Variants in MAF observed in about 807,000 individuals in gnomAD.
MAF encodes MAF bZIP transcription factor.
MAF carries 10 observed loss-of-function variants against 22.0 expected under a neutral mutation model. The observed-to-expected ratio is 0.45, with a 90% CI of 0.28 to 0.77. The LOEUF (loss-of-function observed/expected upper bound fraction) is 0.77. Ranked by LOEUF, MAF falls within the 30% of genes least tolerant of loss-of-function variation. The pLI, the probability that MAF is intolerant of heterozygous loss-of-function variation, is 0.12. For synonymous variants in MAF, 337 were observed against 255.8 expected (o/e 1.32, Z -3.03); for missense variants, 544 against 548.4 (o/e 0.99, Z 0.08).
At chr16:79,395,351 A>C in the MAF span, among the ~76,000 whole-genome samples, 1 of 152,170 alleles carries the variant, frequency 6.6e-6, no homozygotes, top group Non-Finnish European at 1.5e-5. Flanking sequence ...GCTAAGATGG[A>C]AGATAGGGGT....
the MAF span, among the ~76,000 whole-genome samples, chr16:79,529,613 A>T: frequency 2.2e-3 from 342 of 152,334 alleles, 1 homozygote; most frequent in African/African-American, 7.4e-3. Flanking sequence ...GGTGTTTGAC[A>T]TTCAATAAAT....
the MAF span, among the ~76,000 whole-genome samples, chr16:79,290,805 G>C: frequency 6.6e-6 from 1 of 152,040 alleles, no homozygotes; most frequent in African/African-American, 2.4e-5. Context: ...TGTTGACCTT[G>C]AATCAACTGC....
chr16:79,496,772 G>A, the MAF span, among the ~76,000 whole-genome samples: 1 of 152,154 alleles, frequency 6.6e-6, no homozygotes, highest in Non-Finnish European at 1.5e-5. Flanking sequence ...GAGTAGCTGA[G>A]CTTGCCCATG....
the MAF span, among the ~76,000 whole-genome samples, chr16:79,410,299 G>A: frequency 2.0e-5 from 3 of 152,184 alleles, no homozygotes; most frequent in Non-Finnish European, 4.4e-5. Flanking sequence ...CCCAATTTGC[G>A]AATCTTTCAT....
the MAF span, among the ~76,000 whole-genome samples, chr16:79,338,466 G>C: frequency 3.9e-3 from 587 of 152,230 alleles, 5 homozygotes; most frequent in African/African-American, 0.013. Context: ...CAGAATGAAG[G>C]CTTCAGCAAC....
chr16:79,313,764 T>A, the MAF span, among the ~76,000 whole-genome samples: 1 of 151,970 alleles, frequency 6.6e-6, no homozygotes, highest in Middle Eastern at 3.2e-3. Flanking sequence ...GGGGAAGAAA[T>A]CCCTAGGATT....
chr16:79,440,737 T>C, the MAF span, among the ~76,000 whole-genome samples: 1 of 152,248 alleles, frequency 6.6e-6, no homozygotes. Context: ...AAATGATTAC[T>C]AGTAAAATAT....
chr16:79,235,266 T>A, the MAF span, among the ~76,000 whole-genome samples: 2 of 152,046 alleles, frequency 1.3e-5, no homozygotes, highest in South Asian at 2.1e-4. Context: ...CACACGGGAC[T>A]ATAAGCTCAA....
the MAF span, among the ~76,000 whole-genome samples, chr16:79,547,536 A>T: frequency 6.6e-6 from 1 of 152,170 alleles, no homozygotes; most frequent in Admixed American, 6.5e-5. Flanking sequence ...TACTAAAAAA[A>T]AACCTTTGTA....
the MAF span, among the ~76,000 whole-genome samples, chr16:79,459,697 C>A: frequency 6.6e-6 from 1 of 151,828 alleles, no homozygotes; most frequent in Non-Finnish European, 1.5e-5. Context: ...CTCAGCCTCC[C>A]GACTAGCTGG....
At chr16:79,385,858 G>C in the MAF span, among the ~76,000 whole-genome samples, 1 of 152,302 alleles carries the variant, frequency 6.6e-6, no homozygotes, top group Non-Finnish European at 1.5e-5. Context: ...AGTGAGCCAA[G>C]ATAGTGCCAC....
chr16:79,355,762 T>A, the MAF span, among the ~76,000 whole-genome samples: 1 of 152,074 alleles, frequency 6.6e-6, no homozygotes, highest in African/African-American at 2.4e-5. Flanking sequence ...TAGGAACAGA[T>A]CAACTCTCCC....
the MAF span, among the ~76,000 whole-genome samples, chr16:79,300,270 A>T: frequency 3.3e-5 from 5 of 152,168 alleles, no homozygotes; most frequent in Non-Finnish European, 7.3e-5. Flanking sequence ...AAAGACCCTT[A>T]TCTTGACCAG....
chr16:79,581,706 G>A (rs1183356794), downstream of MAF, among the ~76,000 whole-genome samples: 1 of 152,190 alleles, frequency 6.6e-6, no homozygotes, highest in Non-Finnish European at 1.5e-5. Flanking sequence ...GCTTGCCGAG[G>A]GAAAACACAA....
chr16:79,484,307 C>T, the MAF span, among the ~76,000 whole-genome samples: 1 of 152,192 alleles, frequency 6.6e-6, no homozygotes, highest in Non-Finnish European at 1.5e-5. Context: ...TGTGACAATG[C>T]CTCCCAACTT....
chr16:79,211,770 G>T, the MAF span: 2 of 1,614,142 alleles, frequency 1.2e-6, no homozygotes, highest in African/African-American at 1.3e-5. Context: ...GCTGATCCAA[G>T]AACGGCTTGG....
the MAF span, among the ~76,000 whole-genome samples, chr16:79,550,604 G>C: frequency 9.2e-5 from 14 of 152,124 alleles, no homozygotes; most frequent in Non-Finnish European, 1.6e-4. Context: ...AGGGCCACCT[G>C]GCAGACAGGA....
chr16:79,397,595 G>A, the MAF span, among the ~76,000 whole-genome samples: 2 of 152,188 alleles, frequency 1.3e-5, no homozygotes, highest in East Asian at 1.9e-4. Flanking sequence ...CCGGCTGGAT[G>A]TAACCGGCTG....
the MAF span, among the ~76,000 whole-genome samples, chr16:79,216,561 T>G: frequency 6.6e-6 from 1 of 152,196 alleles, no homozygotes; most frequent in Non-Finnish European, 1.5e-5. Context: ...AGGCTAAGTG[T>G]TAAATGGTTG....
Sources: allele counts gnomAD v4.1 joint callset (sites outside exome capture counted in the v4.1 genomes callset), GRCh38; gene constraint gnomAD v4.1.1; transcripts MANE v1.5; gene names NCBI Gene and HGNC (gene_info 2026-07-23, HGNC 2026-07-21).